The following RABGAP1L variants were observed in gnomAD, a reference collection of about 807,000 sequenced individuals.
The protein encoded by RABGAP1L is RAB GTPase activating protein 1 like.
In RABGAP1L, 63 loss-of-function variants were observed where a neutral mutation model predicts 137.7. That is an observed-to-expected ratio of 0.46 (90% confidence interval 0.37 to 0.56). RABGAP1L has a LOEUF of 0.56. Among genes scored for constraint, RABGAP1L ranks in the 20% least tolerant of loss-of-function variants. RABGAP1L has a pLI of 0.00. For missense variants in RABGAP1L, 1,095 were observed against 1,244.0 expected (o/e 0.88, Z 1.80); for synonymous variants, 431 against 433.7 (o/e 0.99, Z 0.08).
intron 6 of RABGAP1L, among the ~76,000 whole-genome samples, chr1:174,251,012 G>T (rs1672669168): frequency 6.6e-6 from 1 of 152,346 alleles, no homozygotes; most frequent in South Asian, 2.1e-4. Flanking sequence ...CGTTGGCCAG[G>T]CTTGTCTCGA....
chr1:174,391,443 A>G (rs1687202053), intron 12 of RABGAP1L, among the ~76,000 whole-genome samples: 2 of 152,152 alleles, frequency 1.3e-5, no homozygotes, highest in Admixed American at 6.5e-5. Flanking sequence ...CAGCCTCCCA[A>G]GTAGCTGGAA....
At chr1:174,821,970 A>T (rs1337420616) in intron 19 of RABGAP1L, among the ~76,000 whole-genome samples, 1 of 152,238 alleles carries the variant, frequency 6.6e-6, no homozygotes, top group African/African-American at 2.4e-5. Context: ...TAATTAACAC[A>T]TTGATAATAA....
rs189894214 is a variant in RABGAP1L at position 174,669,083 on chromosome 1, G to T, written c.1825-14439G>T. On this transcript the variant is annotated intron_variant, in intron 14 of 25. Coordinates refer to ENST00000681986, the MANE Select transcript of RABGAP1L (RefSeq NM_001366446.1). ...GACTGGGTAATTTATAAAGGAAAGA[G>T]GTTTAATTGACTCACAGTTCAGCAT... Among the ~76,000 whole-genome samples the T allele has an allele frequency of 2.5e-3, 377 of 152,280 alleles. 5 individuals are homozygous for T. Among genetic ancestry groups the T allele is most frequent in the Admixed American group, 0.022 (341 of 15,292 alleles).
chr1:174,639,587 G>A (rs770525286), intron 14 of RABGAP1L, among the ~76,000 whole-genome samples: 1 of 151,960 alleles, frequency 6.6e-6, no homozygotes, highest in Non-Finnish European at 1.5e-5. Context: ...GCCAGTCAGT[G>A]ACTTTCCCTT....
intron 19 of RABGAP1L, chr1:174,892,906 T>G: frequency 5.1e-6 from 1 of 195,498 alleles, no homozygotes. Context: ...ATTTTTTTTT[T>G]TTTTTTTTTT....
At chr1:174,445,163 G>C (rs569516635) in intron 13 of RABGAP1L, among the ~76,000 whole-genome samples, 1 of 152,072 alleles carries the variant, frequency 6.6e-6, no homozygotes, top group South Asian at 2.1e-4. Context: ...TAATTTTCCT[G>C]GTGTATTTTA....
intron 13 of RABGAP1L, among the ~76,000 whole-genome samples, chr1:174,567,292 C>T (rs1232069820): frequency 6.6e-6 from 1 of 152,090 alleles, no homozygotes; most frequent in African/African-American, 2.4e-5. Flanking sequence ...CTATATCTGC[C>T]TTATTTCACT....
intron 13 of RABGAP1L, among the ~76,000 whole-genome samples, chr1:174,471,001 A>G (rs1395322384): frequency 6.6e-6 from 1 of 151,730 alleles, no homozygotes; most frequent in Non-Finnish European, 1.5e-5. Context: ...TGGGGTAACT[A>G]ACTAGCATGG....
intron 21 of RABGAP1L, among the ~76,000 whole-genome samples, chr1:174,973,118 G>A (rs550487956): frequency 6.6e-6 from 1 of 152,150 alleles, no homozygotes; most frequent in African/African-American, 2.4e-5. Flanking sequence ...CTACTTTTCT[G>A]TTTAACATAA....
chr1:174,839,795 A>T (rs1438960120), intron 19 of RABGAP1L, among the ~76,000 whole-genome samples: 1 of 152,222 alleles, frequency 6.6e-6, no homozygotes, highest in Admixed American at 6.5e-5. Flanking sequence ...AATGTGGCCC[A>T]GCTATGGTTC....
chr1:174,842,443 T>G (rs879524100), intron 19 of RABGAP1L, among the ~76,000 whole-genome samples: 1 of 152,176 alleles, frequency 6.6e-6, no homozygotes, highest in Non-Finnish European at 1.5e-5. Context: ...GAACCATAGA[T>G]CATATATTCT....
chr1:174,351,817 T>C (rs536662362), intron 11 of RABGAP1L, among the ~76,000 whole-genome samples: 1 of 152,062 alleles, frequency 6.6e-6, no homozygotes, highest in South Asian at 2.1e-4. Context: ...TTTTGTTTTG[T>C]TTGAGATGGA....
chr1:174,494,396 ATTG>A (rs1012859890), intron 13 of RABGAP1L, among the ~76,000 whole-genome samples: 13 of 152,312 alleles, frequency 8.5e-5, no homozygotes, highest in East Asian at 1.9e-4. Context: ...CCGTTGAATT[ATTG>A]TTGTTGTTTT....
At chr1:174,210,779 T>C (rs1212629453) in intron 1 of RABGAP1L, among the ~76,000 whole-genome samples, 2 of 152,156 alleles carry the variant, frequency 1.3e-5, no homozygotes, top group Non-Finnish European at 2.9e-5. Context: ...AGGAAGATGA[T>C]GTCTGCCTCA....
intron 13 of RABGAP1L, among the ~76,000 whole-genome samples, chr1:174,457,479 T>G (rs987249864): frequency 7.5e-5 from 5 of 66,398 alleles, no homozygotes; most frequent in African/African-American, 1.6e-4. Context: ...GGCATCATCT[T>G]TTTTTTTTTT....
chr1:174,346,100 G>A (rs145305638), intron 11 of RABGAP1L, among the ~76,000 whole-genome samples: 2 of 152,152 alleles, frequency 1.3e-5, no homozygotes, highest in Non-Finnish European at 2.9e-5. Context: ...AATCCCAATT[G>A]GTCATGATGA....
At chr1:174,264,855 A>G (rs186590766) in intron 7 of RABGAP1L, among the ~76,000 whole-genome samples, 9 of 152,250 alleles carry the variant, frequency 5.9e-5, no homozygotes, top group Admixed American at 5.9e-4. Flanking sequence ...AACAAAAGAA[A>G]TGACAATCGA....
At chr1:174,575,665 G>T (rs894230730) in intron 13 of RABGAP1L, among the ~76,000 whole-genome samples, 15 of 152,296 alleles carry the variant, frequency 9.8e-5, no homozygotes, top group African/African-American at 3.1e-4. Context: ...ATACTTAAAA[G>T]ACATTTTATT....
At chr1:174,834,298 C>T (rs1326831770) in intron 19 of RABGAP1L, among the ~76,000 whole-genome samples, 4 of 151,824 alleles carry the variant, frequency 2.6e-5, no homozygotes, top group African/African-American at 9.7e-5. Context: ...TGGTGGCACA[C>T]GCATGTAATC....
Sources: allele counts gnomAD v4.1 joint callset (sites outside exome capture counted in the v4.1 genomes callset), GRCh38; gene constraint gnomAD v4.1.1; transcripts MANE v1.5; gene names NCBI Gene and HGNC (gene_info 2026-07-23, HGNC 2026-07-21).